Variants in SUMF1 observed in about 807,000 individuals in gnomAD.
The protein encoded by SUMF1 is sulfatase modifying factor 1.
Under a neutral mutation model 47.6 loss-of-function variants are expected in SUMF1, and 48 were observed. The observed-to-expected ratio is 1.01, with a 90% CI of 0.80 to 1.28. SUMF1 has a LOEUF of 1.28. Ranked by LOEUF, SUMF1 falls within the 50% of genes most tolerant of loss-of-function variation. The pLI is 0.00. For synonymous variants in SUMF1, 230 were observed against 192.1 expected (o/e 1.20, Z -1.63); for missense variants, 571 against 485.4 (o/e 1.18, Z -1.66).
chr3:4,322,854 T>G (rs1168552309), intron 8 of SUMF1, among the ~76,000 whole-genome samples: 2 of 151,954 alleles, frequency 1.3e-5, no homozygotes, highest in African/African-American at 4.8e-5. Context: ...CCAATAGAAT[T>G]GAAAACATGT....
chr3:4,321,451 C>T (rs939842759), intron 8 of SUMF1, among the ~76,000 whole-genome samples: 1 of 122,452 alleles, frequency 8.2e-6, no homozygotes, highest in Non-Finnish European at 1.6e-5. Context: ...TCTTGTAGTG[C>T]CAGAAAGTAA....
At chr3:4,425,074 G>A (rs971908616) in intron 3 of SUMF1, among the ~76,000 whole-genome samples, 9 of 152,074 alleles carry the variant, frequency 5.9e-5, no homozygotes, top group South Asian at 2.1e-4. Context: ...CCTCTGAGGA[G>A]AGCAAATTAT....
At chr3:4,368,850 C>T (rs11915920) in intron 8 of SUMF1, among the ~76,000 whole-genome samples, 65,125 of 151,898 alleles carry the variant, frequency 0.43, 15,251 homozygotes, top group East Asian at 0.61. Flanking sequence ...GATTGTTCTC[C>T]GATCCAAAAA....
At chr3:4,452,791 GGTCA>G (rs1275072383) in intron 2 of SUMF1, 81 bp downstream of exon 2, 29 of 1,478,618 alleles carry the variant, frequency 2.0e-5, no homozygotes, top group Non-Finnish European at 2.5e-5. Context: ...CAGTAAAAAT[GGTCA>G]GTCAATCTTA....
At chr3:4,394,058 A>G (rs1195377932) in intron 7 of SUMF1, among the ~76,000 whole-genome samples, 1 of 152,196 alleles carries the variant, frequency 6.6e-6, no homozygotes, top group East Asian at 1.9e-4. Flanking sequence ...ATTTGATAAT[A>G]TTAAGGAATT....
rs148823400 is a variant in SUMF1, at chr3:4,130,563, C to A, written c.1015-61818G>T. Reference sequence around the variant, plus strand: ...AAACACACTGAACTTATTGGTGAGACATTTGTGTGCCACAGGATGAGAAAT... The same window carrying A: ...AAACACACTGAACTTATTGGTGAGAAATTTGTGTGCCACAGGATGAGAAAT... On this transcript the variant is annotated intron_variant and NMD_transcript_variant, in intron 8 of 12. Coordinates refer to the SUMF1 transcript ENST00000448413. 4.1e-4 allele frequency among the ~76,000 whole-genome samples: 62 copies of A among 152,262 alleles called. 1 individual carries two copies. In the East Asian group the frequency reaches 8.9e-3, roughly 22 times the overall value.
At chr3:4,094,040 C>T (rs751869782) in intron 8 of SUMF1, among the ~76,000 whole-genome samples, 1 of 151,888 alleles carries the variant, frequency 6.6e-6, no homozygotes, top group South Asian at 2.1e-4. Context: ...AGATATGAAT[C>T]CAAGACATAC....
At chr3:4,368,429 C>T (rs555358871) in intron 8 of SUMF1, among the ~76,000 whole-genome samples, 26 of 152,202 alleles carry the variant, frequency 1.7e-4, no homozygotes, top group Non-Finnish European at 2.9e-4. Flanking sequence ...GTCAGTGTGG[C>T]GATTCCTCAG....
intron 8 of SUMF1, among the ~76,000 whole-genome samples, chr3:4,272,146 T>C (rs1697317857): frequency 6.6e-6 from 1 of 152,186 alleles, no homozygotes; most frequent in Non-Finnish European, 1.5e-5. Context: ...ATCTACTTAA[T>C]AAGGCAAGTG....
At chr3:4,177,755 G>A (rs546276870) in intron 8 of SUMF1, among the ~76,000 whole-genome samples, 3 of 152,136 alleles carry the variant, frequency 2.0e-5, no homozygotes, top group African/African-American at 7.2e-5. Context: ...TCCAGGAGCT[G>A]GTTTTTTGAA....
At chr3:4,253,470 G>T (rs1164541409) in intron 8 of SUMF1, among the ~76,000 whole-genome samples, 1 of 152,164 alleles carries the variant, frequency 6.6e-6, no homozygotes, top group Admixed American at 6.5e-5. Flanking sequence ...GGGTCAGGGA[G>T]TTCCCTTTCC....
chr3:4,303,933 G>A, intron 8 of SUMF1: 1 of 1,151,040 alleles, frequency 8.7e-7, no homozygotes, highest in South Asian at 1.6e-5. Context: ...ACAGCCCCTC[G>A]AGTCAGCCTT....
intron 7 of SUMF1, among the ~76,000 whole-genome samples, chr3:4,407,243 A>C (rs994200126): frequency 1.3e-5 from 2 of 152,218 alleles, no homozygotes; most frequent in African/African-American, 4.8e-5. Context: ...AATAAAAACT[A>C]ATGATTAACT....
At position 4,420,082 on chromosome 3, in the gene SUMF1, T is replaced by G. The variant is rs1233415691; in HGVS notation, c.584A>C (p.Asp195Ala). Residue 195 changes from aspartate (D) to alanine (A), a missense_variant, in exon 4 of 9, where the codon GAC becomes GCC. Coordinates refer to ENST00000272902, the MANE Select transcript of SUMF1 (RefSeq NM_182760.4). Reference protein sequence around the residue: ...GANWRHPEGPDSTILHRPDHP... With the variant: ...GANWRHPEGPASTILHRPDHP... The stretch of plus-strand genomic sequence containing the variant: ...GCCTCACCTGTGCAGAATAGTAGAG[T>G]CAGGCCCTTCTGGGTGTCTCCAGTT... The G allele has an allele frequency of 6.2e-7, 1 of 1,614,066 alleles. No homozygotes were observed. The highest frequency in any genetic ancestry group is 2.2e-5 in the East Asian group (1 of 44,874).
At chr3:4,466,859 A>C in intron 1 of SUMF1, 117 bp downstream of exon 1, 2 of 1,449,596 alleles carry the variant, frequency 1.4e-6, no homozygotes, top group East Asian at 2.5e-5. Context: ...CAGGTGCTCG[A>C]TTTGGGGTGT....
At chr3:4,455,810 C>A (rs1347371298) in intron 1 of SUMF1, among the ~76,000 whole-genome samples, 1 of 152,076 alleles carries the variant, frequency 6.6e-6, no homozygotes, top group Non-Finnish European at 1.5e-5. Context: ...AGAACTAATA[C>A]CAATCCTTCT....
At position 4,252,705 on chromosome 3, in the gene SUMF1, T is replaced by G. The variant is rs146597804; in HGVS notation, c.1014+123625A>C. Among the ~76,000 whole-genome samples, 437 of 152,280 alleles carry G rather than the reference T, an allele frequency of 2.9e-3. 4 individuals are homozygous for G. The highest frequency in any genetic ancestry group is 0.01 in the African/African-American group (425 of 41,556). On this transcript the variant is annotated intron_variant and NMD_transcript_variant, in intron 8 of 12. Coordinates refer to the SUMF1 transcript ENST00000448413. Reference sequence around the variant, plus strand: ...GTGCTACATGCACCGGGCCAACCCCTTTAATGAAGGGGAAAATCCATTCTT... The same window carrying G: ...GTGCTACATGCACCGGGCCAACCCCGTTAATGAAGGGGAAAATCCATTCTT...
At chr3:4,351,638 A>G (rs1015413909) in intron 8 of SUMF1, among the ~76,000 whole-genome samples, 3 of 152,224 alleles carry the variant, frequency 2.0e-5, no homozygotes, top group Non-Finnish European at 4.4e-5. Context: ...GCCCCTAAAA[A>G]AAAGTCCATT....
intron 8 of SUMF1, among the ~76,000 whole-genome samples, chr3:4,207,173 T>C (rs558310753): frequency 3.4e-4 from 51 of 152,156 alleles, no homozygotes; most frequent in Non-Finnish European, 6.6e-4. Flanking sequence ...AGAAATACAA[T>C]TGATTTTTGT....
Sources: gnomAD v4.1 joint callset for allele counts (sites outside exome capture counted in the v4.1 genomes callset) on GRCh38, gnomAD v4.1.1 for gene constraint, MANE v1.5 for transcripts, NCBI Gene and HGNC (gene_info 2026-07-23, HGNC 2026-07-21) for gene names.